EBF1: variants seen among roughly 807,000 people sequenced by gnomAD.
EBF1 encodes the protein transcription factor COE1.
EBF1 carries 10 observed loss-of-function variants against 68.4 expected under a neutral mutation model. That is an observed-to-expected ratio of 0.15 (90% CI 0.09 to 0.25). EBF1 has a LOEUF of 0.25. EBF1 is among the 10% of genes least tolerant of loss of function. The pLI, the probability that EBF1 is intolerant of heterozygous loss-of-function variation, is 1.00. For synonymous variants in EBF1, 298 were observed against 299.8 expected (o/e 0.99, Z 0.06); for missense variants, 509 against 794.4 (o/e 0.64, Z 4.32).
At chr5:158,993,638 A>G (rs565842933) in intron 6 of EBF1, among the ~76,000 whole-genome samples, 1 of 152,136 alleles carries the variant, frequency 6.6e-6, no homozygotes, top group Non-Finnish European at 1.5e-5. Flanking sequence ...TGTCTGTAAA[A>G]TGGAACTAAC....
intron 6 of EBF1, among the ~76,000 whole-genome samples, chr5:158,848,881 C>T (rs1003111624): frequency 4.6e-5 from 7 of 152,192 alleles, no homozygotes; most frequent in African/African-American, 1.7e-4. Context: ...TTCAAGTCCA[C>T]AGTAACTGAG....
At chr5:158,864,091 G>A (rs1795434353) in intron 6 of EBF1, among the ~76,000 whole-genome samples, 1 of 152,006 alleles carries the variant, frequency 6.6e-6, no homozygotes, top group Non-Finnish European at 1.5e-5. Flanking sequence ...AAATTAGCTG[G>A]TTGTGGTGGT....
At chr5:158,873,671 G>T (rs1797289814) in intron 6 of EBF1, among the ~76,000 whole-genome samples, 2 of 152,022 alleles carry the variant, frequency 1.3e-5, no homozygotes, top group Non-Finnish European at 2.9e-5. Context: ...CCTACCACAG[G>T]GTACTCATTG....
chr5:158,924,136 C>A (rs1367768977), intron 6 of EBF1, among the ~76,000 whole-genome samples: 1 of 152,206 alleles, frequency 6.6e-6, no homozygotes, highest in Non-Finnish European at 1.5e-5. Context: ...CCCTGGGGCT[C>A]AGGCAGCCCA....
chr5:158,840,134 G>T, intron 6 of EBF1, 24 bp from the exon 7 acceptor site: 2 of 1,595,454 alleles, frequency 1.3e-6, no homozygotes, highest in Non-Finnish European at 1.7e-6. Context: ...AATCATCATG[G>T]TTAGCATTTC....
At chr5:158,914,285 G>A (rs771269251) in intron 6 of EBF1, among the ~76,000 whole-genome samples, 5 of 152,078 alleles carry the variant, frequency 3.3e-5, no homozygotes, top group Non-Finnish European at 5.9e-5. Flanking sequence ...TAATATCATG[G>A]AGATATGATT....
chr5:158,917,962 A>G (rs1807579718), intron 6 of EBF1, among the ~76,000 whole-genome samples: 1 of 152,106 alleles, frequency 6.6e-6, no homozygotes, highest in Non-Finnish European at 1.5e-5. Flanking sequence ...TTTGGGAAGA[A>G]AGGGGGATGT....
chr5:158,839,088 A>G (rs1789565463), intron 7 of EBF1, among the ~76,000 whole-genome samples: 1 of 152,146 alleles, frequency 6.6e-6, no homozygotes, highest in Non-Finnish European at 1.5e-5. Flanking sequence ...AGACTCAACA[A>G]CCTTTTCTAA....
chr5:158,780,507 C>T (rs1776230352), intron 9 of EBF1, among the ~76,000 whole-genome samples: 1 of 152,068 alleles, frequency 6.6e-6, no homozygotes, highest in African/African-American at 2.4e-5. Flanking sequence ...AAGTGATTAT[C>T]TTTTTATTTA....
intron 6 of EBF1, among the ~76,000 whole-genome samples, chr5:158,899,717 G>T: frequency 6.6e-6 from 1 of 152,094 alleles, no homozygotes; most frequent in East Asian, 1.9e-4. Context: ...ACACAGCCAA[G>T]CCTCTTCATC....
At chr5:158,706,616 A>G (rs1757932929) in intron 15 of EBF1, among the ~76,000 whole-genome samples, 1 of 152,236 alleles carries the variant, frequency 6.6e-6, no homozygotes, top group Non-Finnish European at 1.5e-5. Flanking sequence ...GAGATATCCC[A>G]GACATGTGCA....
At chr5:158,956,492 C>T (rs1336922442) in intron 6 of EBF1, among the ~76,000 whole-genome samples, 3 of 151,958 alleles carry the variant, frequency 2.0e-5, no homozygotes, top group Non-Finnish European at 2.9e-5. Flanking sequence ...CACACACACA[C>T]GCACGCACAC....
chr5:159,073,742 C>T lies in EBF1; in HGVS notation c.486-278G>A, dbSNP rs145408016. On this transcript the variant is annotated intron_variant, in intron 5 of 15. Transcript: ENST00000313708. Reference sequence around the variant, plus strand: ...AAGATGGGGTCTCCCCATGACTGCCCGCGGTGCTGGCAGAGTTCACTGTGA... The same window carrying T: ...AAGATGGGGTCTCCCCATGACTGCCTGCGGTGCTGGCAGAGTTCACTGTGA... 9.6e-4 allele frequency: 413 copies of T among 429,400 alleles called. 4 individuals are homozygous for T. The highest frequency in any genetic ancestry group is 7.2e-3 in the African/African-American group (366 of 50,734). 26.6% of individuals were successfully genotyped at this position (429,400 alleles called of 1,614,324 possible). A position where few individuals can be genotyped will look rare whatever the true frequency, so the allele number is the denominator to read the frequency against.
chr5:158,755,438 T>C (rs1200659547), intron 10 of EBF1, among the ~76,000 whole-genome samples: 1 of 152,128 alleles, frequency 6.6e-6, no homozygotes, highest in Non-Finnish European at 1.5e-5. Flanking sequence ...TGTTCATCCT[T>C]GCTCTGCACC....
chr5:159,026,173 C>T (rs961505741), intron 6 of EBF1, among the ~76,000 whole-genome samples: 2 of 152,096 alleles, frequency 1.3e-5, no homozygotes, highest in Admixed American at 1.3e-4. Flanking sequence ...TTCACACTGC[C>T]CCGGGCTCAG....
At chr5:158,931,134 G>C (rs1162870659) in intron 6 of EBF1, among the ~76,000 whole-genome samples, 1 of 152,198 alleles carries the variant, frequency 6.6e-6, no homozygotes, top group African/African-American at 2.4e-5. Context: ...TTAGCCAACA[G>C]TAATTATTTC....
At chr5:158,785,209 T>A (rs1777186397) in intron 9 of EBF1, among the ~76,000 whole-genome samples, 1 of 152,150 alleles carries the variant, frequency 6.6e-6, no homozygotes, top group African/African-American at 2.4e-5. Context: ...AACTACGGAT[T>A]TTTAAAGAGA....
At chr5:158,831,085 C>T (rs1344652949) in intron 7 of EBF1, among the ~76,000 whole-genome samples, 1 of 152,164 alleles carries the variant, frequency 6.6e-6, no homozygotes, top group Non-Finnish European at 1.5e-5. Context: ...CCTCATTCCT[C>T]CCTCTGTGGA....
chr5:158,855,773 A>G (rs767850296), intron 6 of EBF1, among the ~76,000 whole-genome samples: 1 of 152,250 alleles, frequency 6.6e-6, no homozygotes, highest in Non-Finnish European at 1.5e-5. Context: ...GTGACTATGC[A>G]TCAGGACTTT....
Sources: allele counts gnomAD v4.1 joint callset (sites outside exome capture counted in the v4.1 genomes callset), GRCh38; gene constraint gnomAD v4.1.1; transcripts MANE v1.5; gene names NCBI Gene and HGNC (gene_info 2026-07-23, HGNC 2026-07-21).